CSMD1: variants seen among roughly 807,000 people sequenced by gnomAD.
The protein encoded by CSMD1 is CUB and Sushi multiple domains 1, also known as CUB and sushi domain-containing protein 1.
In CSMD1, 213 loss-of-function variants were observed where a neutral mutation model predicts 417.5. The observed-to-expected ratio is 0.51, with a 90% CI of 0.46 to 0.57. CSMD1 has a LOEUF of 0.57. Ranked by LOEUF, CSMD1 falls within the 20% of genes least tolerant of loss-of-function variation. The pLI is 0.00. For missense variants in CSMD1, 6,923 were observed against 4,529.7 expected (o/e 1.53, Z -15.17); for synonymous variants, 2,862 against 1,736.8 (o/e 1.65, Z -16.11).
chr8:4,831,605 G>A (rs13266863), intron 1 of CSMD1, among the ~76,000 whole-genome samples: 3,144 of 152,094 alleles, frequency 0.021, 51 homozygotes, highest in Non-Finnish European at 0.03. Flanking sequence ...TGACTCCACA[G>A]CCACCTGGTG....
chr8:3,679,141 A>T lies in CSMD1; in HGVS notation c.1009+29273T>A, dbSNP rs1465131702. On this transcript the variant is annotated intron_variant, in intron 7 of 69. Coordinates refer to ENST00000635120, the MANE Select transcript of CSMD1 (RefSeq NM_033225.6). ...ACTGTATCAACTAATGAGCACAATAACCAGCTAACATCATAATGACAGGAT... is the reference window on the plus strand; with the variant it reads ...ACTGTATCAACTAATGAGCACAATATCCAGCTAACATCATAATGACAGGAT... Among the ~76,000 whole-genome samples, 7 of 152,244 alleles carry T rather than the reference A, an allele frequency of 4.6e-5. No homozygotes were observed. The East Asian group carries it at 1.2e-3, about 25-fold the overall frequency.
intron 25 of CSMD1, among the ~76,000 whole-genome samples, chr8:3,290,474 C>T (rs1584938755): frequency 1.1e-5 from 1 of 89,828 alleles, no homozygotes. Flanking sequence ...GAATGTTCTT[C>T]CATTTGTTTG....
intron 7 of CSMD1, among the ~76,000 whole-genome samples, chr8:3,654,372 T>C (rs766908884): frequency 3.3e-5 from 5 of 152,174 alleles, no homozygotes; most frequent in African/African-American, 7.2e-5. Context: ...CAGTTAGTTT[T>C]AGACTGCGTA....
At chr8:3,233,922 C>G (rs879424923) in intron 26 of CSMD1, among the ~76,000 whole-genome samples, 1 of 152,272 alleles carries the variant, frequency 6.6e-6, no homozygotes, top group East Asian at 1.9e-4. Flanking sequence ...TAGAAATTCA[C>G]CTACAGACTA....
chr8:4,819,055 T>C (rs956512789), intron 1 of CSMD1, among the ~76,000 whole-genome samples: 1 of 152,176 alleles, frequency 6.6e-6, no homozygotes, highest in African/African-American at 2.4e-5. Context: ...ACAGAATACC[T>C]GGAAGAGCAG....
chr8:3,962,075 G>C (rs545727764), intron 5 of CSMD1, among the ~76,000 whole-genome samples: 3 of 152,296 alleles, frequency 2.0e-5, no homozygotes, highest in African/African-American at 7.2e-5. Flanking sequence ...ATCATTCTCA[G>C]AGATAACTTG....
At chr8:4,967,713 G>A (rs1202462662) in intron 1 of CSMD1, among the ~76,000 whole-genome samples, 2 of 152,174 alleles carry the variant, frequency 1.3e-5, no homozygotes, top group Non-Finnish European at 1.5e-5. Context: ...AAGTCTGTGT[G>A]TGTGTCGTTC....
rs1254141789 is a variant in CSMD1, at chr8:3,549,019, T to A, written c.1344+25926A>T. 2.6e-5 allele frequency among the ~76,000 whole-genome samples: 4 copies of A among 152,122 alleles called. No homozygotes were observed. The East Asian group carries it at 7.7e-4, about 29-fold the overall frequency. On this transcript the variant is annotated intron_variant, in intron 10 of 69. Coordinates refer to ENST00000635120, the MANE Select transcript of CSMD1 (RefSeq NM_033225.6). ...TGGGTTTCCTCACCCTCTAGCCTTG[T>A]TTCAAGGAAGACCTGCTCCTCGAAG... is the stretch of plus-strand genomic sequence containing the variant.
chr8:4,483,128 G>T (rs1477978875), intron 2 of CSMD1, among the ~76,000 whole-genome samples: 1 of 152,068 alleles, frequency 6.6e-6, no homozygotes, highest in Non-Finnish European at 1.5e-5. Flanking sequence ...TCTCCTGGTG[G>T]TGGATAAGTC....
chr8:4,726,365 A>G (rs1000379194), intron 1 of CSMD1, among the ~76,000 whole-genome samples: 2 of 151,678 alleles, frequency 1.3e-5, no homozygotes, highest in Admixed American at 1.3e-4. Context: ...ATTATCACCA[A>G]AAGCTTTCTC....
intron 3 of CSMD1, among the ~76,000 whole-genome samples, chr8:4,411,701 A>G (rs1442637777): frequency 6.6e-6 from 1 of 152,196 alleles, no homozygotes; most frequent in Non-Finnish European, 1.5e-5. Flanking sequence ...AATGCTCACG[A>G]AAGCATATAT....
intron 7 of CSMD1, among the ~76,000 whole-genome samples, chr8:3,641,324 G>C (rs762948340): frequency 2.0e-5 from 3 of 152,074 alleles, no homozygotes; most frequent in Non-Finnish European, 2.9e-5. Flanking sequence ...TGAGTCACTA[G>C]CAATGGAACC....
At chr8:4,329,577 C>T (rs557134399) in intron 3 of CSMD1, among the ~76,000 whole-genome samples, 118 of 152,200 alleles carry the variant, frequency 7.8e-4, no homozygotes, top group African/African-American at 2.3e-3. Context: ...TGTGAGCCAC[C>T]GCACGTTGCC....
chr8:3,220,852 C>A (rs1252057541), intron 28 of CSMD1, among the ~76,000 whole-genome samples: 5 of 151,990 alleles, frequency 3.3e-5, no homozygotes, highest in Non-Finnish European at 7.4e-5. Context: ...ATCAACCAAC[C>A]AACCAAGCAA....
chr8:4,183,439 A>G (rs1205318315), intron 3 of CSMD1, among the ~76,000 whole-genome samples: 2 of 152,212 alleles, frequency 1.3e-5, no homozygotes, highest in African/African-American at 4.8e-5. Flanking sequence ...CAGCTTGTCA[A>G]TAATTTTTAG....
chr8:4,170,515 T>C (rs1045000372), intron 3 of CSMD1, among the ~76,000 whole-genome samples: 1 of 151,992 alleles, frequency 6.6e-6, no homozygotes, highest in Non-Finnish European at 1.5e-5. Context: ...TGTTATTAAG[T>C]AGAGGTAAAG....
At chr8:3,192,086 A>T (rs183460764) in intron 33 of CSMD1, among the ~76,000 whole-genome samples, 290 of 152,320 alleles carry the variant, frequency 1.9e-3, no homozygotes, top group African/African-American at 6.8e-3. Context: ...GAAAACGGAA[A>T]TTGGCAGATT....
At chr8:2,985,108 G>A (rs78971397) in intron 54 of CSMD1, among the ~76,000 whole-genome samples, 12 of 152,062 alleles carry the variant, frequency 7.9e-5, no homozygotes, top group East Asian at 1.9e-4. Flanking sequence ...ATCAATATAC[G>A]TCCCAATATA....
chr8:4,070,105 T>C (rs962010400), intron 3 of CSMD1, among the ~76,000 whole-genome samples: 4 of 152,178 alleles, frequency 2.6e-5, no homozygotes, highest in Non-Finnish European at 5.9e-5. Flanking sequence ...ACACCCAAGA[T>C]TTTTCAGTCT....
Sources: gnomAD v4.1 joint callset for allele counts (sites outside exome capture counted in the v4.1 genomes callset) on GRCh38, gnomAD v4.1.1 for gene constraint, MANE v1.5 for transcripts, NCBI Gene and HGNC (gene_info 2026-07-23, HGNC 2026-07-21) for gene names.